Variants in UFL1 observed in about 807,000 individuals in gnomAD.
The protein encoded by UFL1 is UFM1 specific ligase 1.
Under a neutral mutation model 99.3 loss-of-function variants are expected in UFL1, and 78 were observed. The ratio of observed to expected loss-of-function variants is 0.79; its 90% CI spans 0.65 to 0.95. The LOEUF (loss-of-function observed/expected upper bound fraction) is 0.95. Ranked by LOEUF, UFL1 falls within the 40% of genes least tolerant of loss-of-function variation. UFL1 has a pLI of 0.00. For synonymous variants in UFL1, 335 were observed against 322.2 expected (o/e 1.04, Z -0.42); for missense variants, 936 against 937.0 (o/e 1.00, Z 0.01).
rs768304138 is a variant in UFL1 at position 96,542,943 on chromosome 6, C to G, written c.1329C>G (p.Tyr443Ter). Reference protein sequence around the residue: ...RGGGGGNAREYKIKKVKKKGR... With the variant: ...RGGGGGNARE ...GAGGTGGGGGCAATGCCAGAGAGTA[C>G]AAAATTAAAAAAGTCAAGAAGAAAG... Residue 443 changes from tyrosine to a stop codon, truncating the protein, a stop_gained, in exon 12 of 19, where the codon TAC becomes TAG. Transcript: ENST00000369278. LOFTEE classifies it high-confidence loss of function. 6.2e-7 allele frequency: 1 copy of G among 1,600,934 alleles called. No homozygotes were observed. The highest frequency in any genetic ancestry group is 8.5e-7 in the Non-Finnish European group (1 of 1,173,074).
chr6:96,541,265 A>C (rs1769927335), intron 11 of UFL1, among the ~76,000 whole-genome samples: 1 of 151,408 alleles, frequency 6.6e-6, no homozygotes, highest in Admixed American at 6.6e-5. Flanking sequence ...CCAAAGCACC[A>C]CTTGATATAT....
At chr6:96,549,608 T>G (rs781672252) in intron 14 of UFL1, 30 bp downstream of exon 14, 1 of 1,588,666 alleles carries the variant, frequency 6.3e-7, no homozygotes. Flanking sequence ...ATCTTGTTTT[T>G]TCATTGATTT....
At chr6:96,551,977 T>C in intron 17 of UFL1, 54 bp downstream of exon 17, 8 of 1,336,096 alleles carry the variant, frequency 6.0e-6, no homozygotes, top group Non-Finnish European at 8.5e-6. Context: ...GAGCCTTTCA[T>C]ATCTGAAATT....
Position 96,538,397 on chromosome 6 carries a change from G to A in UFL1, c.979-234G>A, listed in dbSNP as rs1745240377. On this transcript the variant is annotated intron_variant, in intron 9 of 18. Transcript: ENST00000369278. The stretch of plus-strand genomic sequence containing the variant: ...GGTTTCAGTGTTGTTTTAAACAATT[G>A]GAGATGTCTGTTAGGCATGCAAGTG... 3.3e-5 allele frequency among the ~76,000 whole-genome samples: 5 copies of A among 151,756 alleles called. No individual in the cohort carries two copies. In the South Asian group the frequency reaches 8.3e-4, roughly 25 times the overall value.
intron 12 of UFL1, among the ~76,000 whole-genome samples, chr6:96,547,668 C>G (rs960768236): frequency 1.3e-5 from 2 of 151,494 alleles, no homozygotes; most frequent in Non-Finnish European, 3.0e-5. Context: ...TTTGCAGCAA[C>G]GTGGTTGGAA....
intron 12 of UFL1, among the ~76,000 whole-genome samples, chr6:96,544,725 T>G (rs1027209472): frequency 6.6e-6 from 1 of 151,152 alleles, no homozygotes; most frequent in Admixed American, 6.6e-5. Flanking sequence ...AATTTTTCAC[T>G]GGTAAATGGA....
At chr6:96,522,540 TAGAA>T (rs1314144813) in intron 1 of UFL1, among the ~76,000 whole-genome samples, 2 of 152,170 alleles carry the variant, frequency 1.3e-5, no homozygotes, top group Admixed American at 6.5e-5. Flanking sequence ...ATAACGCTAA[TAGAA>T]GCCTTTCTAT....
chr6:96,529,638 C>G (rs923747895), intron 6 of UFL1, among the ~76,000 whole-genome samples: 1 of 152,102 alleles, frequency 6.6e-6, no homozygotes, highest in African/African-American at 2.4e-5. Flanking sequence ...TCTAAGTTAC[C>G]TTTTCTAGCT....
chr6:96,535,585 T>C (rs891784587), intron 7 of UFL1, among the ~76,000 whole-genome samples: 2 of 151,978 alleles, frequency 1.3e-5, no homozygotes, highest in African/African-American at 4.8e-5. Flanking sequence ...ATTTCACAGA[T>C]ACGGAAATGG....
At chr6:96,537,269 G>A in intron 8 of UFL1, 105 bp from the exon 9 acceptor site, 2 of 917,976 alleles carry the variant, frequency 2.2e-6, no homozygotes, top group Non-Finnish European at 3.1e-6. Flanking sequence ...TAAGAAGGTA[G>A]ACATCTCTAA....
intron 6 of UFL1, among the ~76,000 whole-genome samples, chr6:96,531,223 C>G (rs1018745036): frequency 1.3e-5 from 2 of 151,598 alleles, no homozygotes; most frequent in Non-Finnish European, 2.9e-5. Flanking sequence ...GGATGGGGAC[C>G]GTTGAACTAG....
intron 12 of UFL1, among the ~76,000 whole-genome samples, chr6:96,545,173 A>T (rs1265473818): frequency 6.6e-6 from 1 of 150,960 alleles, no homozygotes; most frequent in Non-Finnish European, 1.5e-5. Flanking sequence ...AACTCCTTAG[A>T]TTTTTATTTA....
At chr6:96,529,937 A>G (rs980139834) in intron 6 of UFL1, among the ~76,000 whole-genome samples, 1 of 152,156 alleles carries the variant, frequency 6.6e-6, no homozygotes, top group African/African-American at 2.4e-5. Flanking sequence ...ATGATGCTCT[A>G]TCACCACAGA....
chr6:96,544,761 G>A (rs115383908), intron 12 of UFL1, among the ~76,000 whole-genome samples: 2,508 of 151,048 alleles, frequency 0.017, 55 homozygotes, highest in African/African-American at 0.058. Flanking sequence ...GGTGTACTAG[G>A]CATGTGGGTG....
At position 96,525,021 on chromosome 6, in the gene UFL1, C is replaced by T. The variant is rs143334064; in HGVS notation, c.253-276C>T. 8.6e-5 allele frequency among the ~76,000 whole-genome samples: 13 copies of T among 151,614 alleles called. No individual in the cohort carries two copies. The East Asian group carries it at 2.1e-3, about 25-fold the overall frequency. On this transcript the variant is annotated intron_variant, in intron 3 of 18. Coordinates refer to ENST00000369278, the MANE Select transcript of UFL1 (RefSeq NM_015323.5). ...AATTTTTTATTTGGCCAATGCTTTT[C>T]GTATTATTTCAGATTGATTCAAAAT...
chr6:96,526,006 A>T (rs549729888), intron 4 of UFL1, among the ~76,000 whole-genome samples: 1 of 151,992 alleles, frequency 6.6e-6, no homozygotes, highest in Non-Finnish European at 1.5e-5. Context: ...GGATTGCTTG[A>T]TCCCAGGAGG....
At chr6:96,526,242 G>A (rs376029557) in intron 4 of UFL1, 79 bp from the exon 5 acceptor site, 27 of 1,227,738 alleles carry the variant, frequency 2.2e-5, no homozygotes, top group African/African-American at 9.2e-5. Context: ...TCATTTCAAC[G>A]GAAATTAAAC....
In UFL1 at chr6:96,553,511, A is replaced by C. The variant is rs776570277; in HGVS notation, c.*8A>C. The C allele has an allele frequency of 1.2e-6, 2 of 1,610,678 alleles. No homozygotes were observed. The highest frequency in any genetic ancestry group is 3.4e-4 in the Middle Eastern group (2 of 5,908). The stretch of plus-strand genomic sequence containing the variant: ...TCTGTGACGGAAGAGTAATGATCTT[A>C]ATTTACATTTGTCATATAGTAAGCA... On this transcript the variant is annotated 3_prime_UTR_variant, in exon 19 of 19. Coordinates refer to ENST00000369278, the MANE Select transcript of UFL1 (RefSeq NM_015323.5).
intron 6 of UFL1, among the ~76,000 whole-genome samples, chr6:96,531,021 G>T (rs975590842): frequency 3.3e-5 from 5 of 152,192 alleles, no homozygotes; most frequent in African/African-American, 1.2e-4. Context: ...CAGATCAGTG[G>T]CGGCATTAGA....
Sources: allele counts gnomAD v4.1 joint callset (sites outside exome capture counted in the v4.1 genomes callset), GRCh38; gene constraint gnomAD v4.1.1; transcripts MANE v1.5; gene names NCBI Gene and HGNC (gene_info 2026-07-23, HGNC 2026-07-21).